Variants in RHO observed in about 807,000 individuals in gnomAD.
RHO encodes opsin 2, rod pigment.
RHO carries 21 observed loss-of-function variants against 31.2 expected under a neutral mutation model. That is an observed-to-expected ratio of 0.67 (90% CI 0.48 to 0.97). The LOEUF is 0.97. Ranked by LOEUF, RHO falls within the 50% of genes least tolerant of loss-of-function variation. RHO has a pLI of 0.00. For synonymous variants in RHO, 211 were observed against 196.6 expected (o/e 1.07, Z -0.61); for missense variants, 414 against 479.5 (o/e 0.86, Z 1.28).
rs767646428 is a variant in RHO at position 129,529,128 on chromosome 3, C to T, written c.361+34C>T. The T allele has an allele frequency of 3.1e-6, 5 of 1,598,482 alleles. No homozygotes were observed. In the African/African-American group the frequency reaches 6.7e-5, roughly 21 times the overall value. On this transcript the variant is annotated intron_variant, in intron 1 of 4. Coordinates refer to ENST00000296271, the MANE Select transcript of RHO (RefSeq NM_000539.3). ...CGGGTGTGGGTGGGGTGTGCAGGAG[C>T]CCGGGAGCATGGAGGGGTCTGGGAG...
In RHO at chr3:129,528,947, C is replaced by T; in HGVS notation, c.214C>T (p.Leu72Phe). 3 of 1,614,246 alleles carry T rather than the reference C, an allele frequency of 1.9e-6. 1 individual carries two copies. Among genetic ancestry groups the T allele is most frequent in the South Asian group, 2.2e-5 (2 of 91,092 alleles). Residue 72 changes from leucine (L) to phenylalanine (F), a missense_variant, in exon 1 of 5, where the codon CTC (leucine) becomes TTC (phenylalanine). Transcript: ENST00000296271. ...TVQHKKLRTPLNYILLNLAVA... is the reference protein window; with the variant it reads ...TVQHKKLRTPFNYILLNLAVA... ...CCAGCACAAGAAGCTGCGCACGCCT[C>T]TCAACTACATCCTGCTCAACCTAGC... is the stretch of plus-strand genomic sequence containing the variant.
chr3:129,532,302 C>G lies in RHO; in HGVS notation c.582C>G (p.Leu194=), dbSNP rs1359176166. The G allele has an allele frequency of 6.2e-7, 1 of 1,614,094 alleles. No homozygotes were observed. Residue 194 remains leucine (L), a synonymous_variant, in exon 3 of 5, where the codon CTC becomes CTG. Coordinates refer to ENST00000296271, the MANE Select transcript of RHO (RefSeq NM_000539.3). This position sits in a 1 kb window ranked among gnomAD's most constrained non-coding sequence, Gnocchi z 5.5. Reference sequence around the variant, plus strand: ...CGTGTGGAATCGACTACTACACGCTCAAGCCGGAGGTCAACAACGAGTCTT... The same window carrying G: ...CGTGTGGAATCGACTACTACACGCTGAAGCCGGAGGTCAACAACGAGTCTT... The part of the protein sequence containing the change: ...QCSCGIDYYT[L]KPEVNNESFV...
chr3:129,532,883 C>T lies in RHO; in HGVS notation c.936+111C>T. 6.9e-7 allele frequency: 1 copy of T among 1,441,874 alleles called. No individual in the cohort carries two copies. The highest frequency in any genetic ancestry group is 9.6e-7 in the Non-Finnish European group (1 of 1,040,004). The allele number at this position is 1,441,874 out of a possible 1,614,324, so 89.3% of individuals were successfully genotyped here. On this transcript the variant is annotated intron_variant, in intron 4 of 4. Coordinates refer to ENST00000296271, the MANE Select transcript of RHO (RefSeq NM_000539.3). The surrounding 1 kb of genome is among the most constrained non-coding windows in gnomAD (Gnocchi z 5.5). Reference sequence around the variant, plus strand: ...GGGGCTCCATCAGGGTTACTGGCAGCAGTCTTGGGTCAGCAGTCCCAATGG... The same window carrying T: ...GGGGCTCCATCAGGGTTACTGGCAGTAGTCTTGGGTCAGCAGTCCCAATGG...
chr3:129,529,946 G>A (rs2084765775), intron 1 of RHO, among the ~76,000 whole-genome samples: 1 of 152,188 alleles, frequency 6.6e-6, no homozygotes, highest in Non-Finnish European at 1.5e-5. Flanking sequence ...TGAGATGCAG[G>A]AGGAGACGCT....
Position 129,530,958 on chromosome 3 carries a change from C to A in RHO, c.444C>A (p.Phe148Leu). The A allele has an allele frequency of 7.4e-6, 12 of 1,614,262 alleles. No homozygotes were observed. Among genetic ancestry groups the A allele is most frequent in the Non-Finnish European group, 1.0e-5 (12 of 1,180,058 alleles). Residue 148 changes from phenylalanine (F) to leucine (L), a missense_variant, in exon 2 of 5, where the codon TTC becomes TTA. Physicochemically the swap from Phe to Leu is conservative, Grantham distance 22 (BLOSUM62 0). Transcript: ENST00000296271. ...VVCKPMSNFRFGENHAIMGVA... is the reference protein window; with the variant it reads ...VVCKPMSNFRLGENHAIMGVA... ...GTAAGCCCATGAGCAACTTCCGCTT[C>A]GGGGAGAACCATGCCATCATGGGCG...
At position 129,528,791 on chromosome 3, in the gene RHO, G is replaced by A. The variant is rs370401948; in HGVS notation, c.58G>A (p.Val20Ile). The A allele has an allele frequency of 1.4e-5, 22 of 1,614,092 alleles. No homozygotes were observed. The highest frequency in any genetic ancestry group is 1.9e-5 in the Non-Finnish European group (22 of 1,180,056). Residue 20 changes from valine to isoleucine, a missense_variant, in exon 1 of 5, where the codon GTA (valine) becomes ATA (isoleucine). Val to Ile is a conservative substitution (Grantham distance 29, BLOSUM62 3). Transcript: ENST00000296271. ...GCCCTTCTCCAATGCGACGGGTGTG[G>A]TACGCAGCCCCTTCGAGTACCCACA... The part of the protein sequence containing the change: ...YVPFSNATGV[V>I]RSPFEYPQYY...
chr3:129,532,753 A>G lies in RHO; in HGVS notation c.917A>G (p.Tyr306Cys). The part of the protein sequence containing the change: ...KSAAIYNPVI[Y>C]IMMNKQFRNC... ...GCCGCCATCTACAACCCTGTCATCT[A>G]TATCATGATGAACAAGCAGGTGCCT... Residue 306 changes from tyrosine to cysteine, a missense_variant, in exon 4 of 5, where the codon TAT becomes TGT. Coordinates refer to ENST00000296271, the MANE Select transcript of RHO (RefSeq NM_000539.3). This position sits in a 1 kb window ranked among gnomAD's most constrained non-coding sequence, Gnocchi z 5.5. 1.9e-6 allele frequency: 3 copies of G among 1,614,162 alleles called. No individual in the cohort carries two copies. The highest frequency in any genetic ancestry group is 2.5e-6 in the Non-Finnish European group (3 of 1,180,024).
intron 4 of RHO, among the ~76,000 whole-genome samples, chr3:129,533,187 G>A (rs1012602093): frequency 6.6e-6 from 1 of 152,074 alleles, no homozygotes; most frequent in Non-Finnish European, 1.5e-5. Context: ...AGGTACCTCC[G>A]AGGGGTAAAC....
Position 129,533,804 on chromosome 3 carries a change from C to G in RHO, c.*86C>G. ...GCCACAGCCATCCCACCAGGAGCAG[C>G]GCCTGTGCAGAATGAACGAAGTCAC... On this transcript the variant is annotated 3_prime_UTR_variant, in exon 5 of 5. Transcript: ENST00000296271. 1.1e-6 allele frequency: 1 copy of G among 949,912 alleles called. No homozygotes were observed. Among genetic ancestry groups the G allele is most frequent in the Non-Finnish European group, 1.7e-6 (1 of 580,888 alleles). 58.8% of individuals were successfully genotyped at this position (949,912 alleles called of 1,614,324 possible).
In RHO at chr3:129,529,000, TG is replaced by T; in HGVS notation, c.269del (p.Gly90AlafsTer54). 1 of 1,614,230 alleles carries T rather than the reference TG, an allele frequency of 6.2e-7. No homozygotes were observed. The highest frequency in any genetic ancestry group is 8.5e-7 in the Non-Finnish European group (1 of 1,180,048). On this transcript the variant is annotated frameshift_variant, in exon 1 of 5. Transcript: ENST00000296271. LOFTEE classifies it high-confidence loss of function. ...AVADLFMVLG[G>X]FTSTLYTSLH... ...TGGCTGACCTCTTCATGGTCCTAGG[TG>T]GCTTCACCAGCACCCTCTACACCTC...
chr3:129,528,933 A>G lies in RHO; in HGVS notation c.200A>G (p.Lys67Arg), dbSNP rs1323752581. 1.2e-6 allele frequency: 2 copies of G among 1,614,096 alleles called. No homozygotes were observed. The highest frequency in any genetic ancestry group is 2.7e-5 in the African/African-American group (2 of 74,922). Residue 67 changes from lysine to arginine, a missense_variant, in exon 1 of 5, where the codon AAG (lysine) becomes AGG (arginine). Physicochemically the swap from Lys to Arg is conservative, Grantham distance 26. Coordinates refer to ENST00000296271, the MANE Select transcript of RHO (RefSeq NM_000539.3). ...LTLYVTVQHK[K>R]LRTPLNYILL... ...CTCTACGTCACCGTCCAGCACAAGA[A>G]GCTGCGCACGCCTCTCAACTACATC...
chr3:129,529,324 A>T (rs913494008), intron 1 of RHO, among the ~76,000 whole-genome samples: 1 of 152,278 alleles, frequency 6.6e-6, no homozygotes, highest in African/African-American at 2.4e-5. Context: ...TTGGAGCAAT[A>T]TGCGCTTGTC....
Position 129,528,898 on chromosome 3 carries a change from C to T in RHO, c.165C>T (p.Asn55=), listed in dbSNP as rs1312862210. Residue 55 remains asparagine (N), a synonymous_variant, in exon 1 of 5, where the codon AAC becomes AAT. Coordinates refer to ENST00000296271, the MANE Select transcript of RHO (RefSeq NM_000539.3). ...TGATCGTGCTGGGCTTCCCCATCAA[C>T]TTCCTCACGCTCTACGTCACCGTCC... is the stretch of plus-strand genomic sequence containing the variant. ...FLLIVLGFPI[N]FLTLYVTVQH... is the part of the protein sequence containing the mutation. 3.7e-6 allele frequency: 6 copies of T among 1,614,248 alleles called. No individual in the cohort carries two copies. The South Asian group carries it at 4.4e-5, about 12-fold the overall frequency.
In RHO at chr3:129,533,790, C is replaced by A. The variant is rs2084802386; in HGVS notation, c.*72C>A. The A allele has an allele frequency of 9.5e-7, 1 of 1,050,304 alleles. No individual in the cohort carries two copies. Among genetic ancestry groups the A allele is most frequent in the Non-Finnish European group, 1.5e-6 (1 of 668,908 alleles). 65.1% of individuals were successfully genotyped at this position (1,050,304 alleles called of 1,614,324 possible). ...TACACCTTCCCCCAGCCACAGCCATCCCACCAGGAGCAGCGCCTGTGCAGA... is the reference window on the plus strand; with the variant it reads ...TACACCTTCCCCCAGCCACAGCCATACCACCAGGAGCAGCGCCTGTGCAGA... On this transcript the variant is annotated 3_prime_UTR_variant, in exon 5 of 5. Coordinates refer to ENST00000296271, the MANE Select transcript of RHO (RefSeq NM_000539.3).
intron 1 of RHO, 83 bp from the exon 2 acceptor site, chr3:129,530,793 A>G (rs1328189703): frequency 1.1e-5 from 18 of 1,570,232 alleles, no homozygotes; most frequent in South Asian, 4.4e-5. Context: ...TTGCCTTCCT[A>G]GCTACCCTCT....
intron 1 of RHO, among the ~76,000 whole-genome samples, chr3:129,530,533 A>ACCACACACAC (rs1553781099): frequency 1.6e-5 from 2 of 122,918 alleles, no homozygotes; most frequent in East Asian, 4.9e-4. Context: ...ACACACACAC[A>ACCACACACAC]ACACACACAC....
At chr3:129,529,160 G>A (rs185011073) in intron 1 of RHO, 66 bp downstream of exon 1, 168 of 1,549,960 alleles carry the variant, frequency 1.1e-4, no homozygotes, top group Admixed American at 2.4e-4. Flanking sequence ...GGAGAGTCCC[G>A]GGCTTGGCGG....
rs775945120 is a variant in RHO at position 129,533,582 on chromosome 3, C to A, written c.937-26C>A. 5.8e-6 allele frequency: 9 copies of A among 1,564,290 alleles called. No homozygotes were observed. In the Admixed American group the frequency reaches 6.7e-5, roughly 12 times the overall value. On this transcript the variant is annotated intron_variant, in intron 4 of 4. Coordinates refer to ENST00000296271, the MANE Select transcript of RHO (RefSeq NM_000539.3). ...CAAGCACACTGTGGGCAGCCCTGGCCCTGACTCAAGCCTCTTGCCTTCCAG... is the reference window on the plus strand; with the variant it reads ...CAAGCACACTGTGGGCAGCCCTGGCACTGACTCAAGCCTCTTGCCTTCCAG...
chr3:129,530,296 A>G (rs913734629), intron 1 of RHO, among the ~76,000 whole-genome samples: 3 of 152,124 alleles, frequency 2.0e-5, no homozygotes, highest in Non-Finnish European at 4.4e-5. Context: ...AGCAGGACAG[A>G]TGTCTGAATT....
Sources: gnomAD v4.1 joint callset for allele counts (sites outside exome capture counted in the v4.1 genomes callset) on GRCh38, gnomAD v4.1.1 for gene constraint, Gnocchi (gnomAD v3.1) non-coding constraint, MANE v1.5 for transcripts, NCBI Gene and HGNC (gene_info 2026-07-23, HGNC 2026-07-21) for gene names.